GRID2IP: variants seen among roughly 807,000 people sequenced by gnomAD.
The protein encoded by GRID2IP is Grid2 interacting protein.
Under a neutral mutation model 114.3 loss-of-function variants are expected in GRID2IP, and 78 were observed. That is an observed-to-expected ratio of 0.68 (90% CI 0.57 to 0.82). The LOEUF is 0.82. Among genes scored for constraint, GRID2IP ranks in the 40% least tolerant of loss-of-function variants. The pLI, the probability that GRID2IP is intolerant of heterozygous loss-of-function variation, is 0.00. For synonymous variants in GRID2IP, 809 were observed against 724.0 expected (o/e 1.12, Z -1.89); for missense variants, 1,727 against 1,678.5 (o/e 1.03, Z -0.51).
intron 1 of GRID2IP, among the ~76,000 whole-genome samples, chr7:6,546,404 TA>T (rs1377621662): frequency 2.7e-5 from 4 of 150,294 alleles, no homozygotes; most frequent in Non-Finnish European, 4.5e-5. Flanking sequence ...CTGTCTCTAC[TA>T]AAAAAAATAC....
At chr7:6,530,908 C>A (rs759789513) in intron 2 of GRID2IP, among the ~76,000 whole-genome samples, 44 of 152,384 alleles carry the variant, frequency 2.9e-4, no homozygotes, top group Non-Finnish European at 5.4e-4. Context: ...TTTCCAACCT[C>A]CCTGGGCCTC....
intron 21 of GRID2IP, 75 bp downstream of exon 21, chr7:6,497,989 C>T: frequency 1.4e-6 from 2 of 1,452,010 alleles, no homozygotes; most frequent in Non-Finnish European, 1.8e-6. Context: ...GCCCTGGCTT[C>T]ATGGAGGATC....
chr7:6,534,560 G>A lies in GRID2IP; in HGVS notation c.584+5158C>T, dbSNP rs995865412. Among the ~76,000 whole-genome samples the A allele has an allele frequency of 6.6e-6, 1 of 152,176 alleles. No homozygotes were observed. The highest frequency in any genetic ancestry group is 2.4e-5 in the African/African-American group (1 of 41,430). On this transcript the variant is annotated intron_variant, in intron 2 of 21. Coordinates refer to ENST00000457091, the MANE Select transcript of GRID2IP (RefSeq NM_001145118.2). This position sits in a 1 kb window ranked among gnomAD's most constrained non-coding sequence, Gnocchi z 4.5. ...TTTACAGCAGCAGCGCTGTCCAAGG[G>A]AACGTTCTGTGACGATGGACAAGGT...
intron 1 of GRID2IP, among the ~76,000 whole-genome samples, chr7:6,548,300 C>T (rs1779917540): frequency 6.6e-6 from 1 of 151,904 alleles, no homozygotes; most frequent in Non-Finnish European, 1.5e-5. Flanking sequence ...TTGCAGTGAG[C>T]CGAGATCGTA....
chr7:6,526,596 C>T lies in GRID2IP; in HGVS notation c.758G>A (p.Arg253His), dbSNP rs1159003126. The T allele has an allele frequency of 1.7e-6, 2 of 1,190,454 alleles. No individual in the cohort carries two copies. The highest frequency in any genetic ancestry group is 3.2e-5 in the African/African-American group (2 of 62,534). 73.7% of individuals were successfully genotyped at this position (1,190,454 alleles called of 1,614,324 possible). A position where few individuals can be genotyped will look rare whatever the true frequency, so the allele number is the denominator to read the frequency against. ...LVSTRASAPP[R>H]RPDEPPPRRA... ...GCGCGGGGGCGGCTCATCGGGGCGG[C>T]GCGGCGGGGCGCTGGCGCGCGTGGA... The change falls in exon 3 of 22, where the codon CGC (arginine) becomes CAC (histidine). Residue 253 changes from arginine to histidine, a missense_variant. By Grantham distance (29) the Arg-to-His change is conservative. Coordinates refer to ENST00000457091, the MANE Select transcript of GRID2IP (RefSeq NM_001145118.2). The surrounding 1 kb of genome is among the most constrained non-coding windows in gnomAD (Gnocchi z 7.6).
At chr7:6,510,565 C>G (rs1328425451) in intron 10 of GRID2IP, 44 bp downstream of exon 10, 2 of 1,440,406 alleles carry the variant, frequency 1.4e-6, no homozygotes, top group Non-Finnish European at 9.3e-7. Flanking sequence ...CCGTCCATTC[C>G]CTGCCCCCTA....
intron 8 of GRID2IP, among the ~76,000 whole-genome samples, chr7:6,513,187 T>C (rs1779212464): frequency 6.6e-6 from 1 of 151,856 alleles, no homozygotes; most frequent in African/African-American, 2.4e-5. Flanking sequence ...CTCATGATCC[T>C]GGTGGTGGTG....
At position 6,506,088 on chromosome 7, in the gene GRID2IP, G is replaced by C. The variant is rs1786577478; in HGVS notation, c.2545-181C>G. On this transcript the variant is annotated intron_variant, in intron 13 of 21. Transcript: ENST00000457091. The surrounding 1 kb of genome is among the most constrained non-coding windows in gnomAD (Gnocchi z 5.2). ...GAAGCCAGATCATCCGAGTCACCGG[G>C]TGCTGAGCCAGCGCCTCCTGGGGTC... 6.6e-6 allele frequency among the ~76,000 whole-genome samples: 1 copy of C among 152,220 alleles called. No individual in the cohort carries two copies. Among genetic ancestry groups the C allele is most frequent in the Non-Finnish European group, 1.5e-5 (1 of 68,036 alleles).
chr7:6,498,105 C>T lies in GRID2IP; in HGVS notation c.3523G>A (p.Ala1175Thr). The change falls in exon 21 of 22, where the codon GCT becomes ACT. Residue 1175 changes from alanine (A) to threonine (T), a missense_variant. Coordinates refer to ENST00000457091, the MANE Select transcript of GRID2IP (RefSeq NM_001145118.2). ...GEDSKATTSE[A>T]FFGIFAEFMS... ...AACTCTGCAAAGATGCCGAAGAAAG[C>T]CTCAGAGGTGGTGGCCTTGGAATCC... is the stretch of plus-strand genomic sequence containing the variant. 1.3e-6 allele frequency: 2 copies of T among 1,551,668 alleles called. No individual in the cohort carries two copies. Among genetic ancestry groups the T allele is most frequent in the Non-Finnish European group, 1.7e-6 (2 of 1,146,952 alleles).
chr7:6,504,551 G>GA (rs1786520037), intron 15 of GRID2IP, among the ~76,000 whole-genome samples: 1 of 152,076 alleles, frequency 6.6e-6, no homozygotes, highest in South Asian at 2.1e-4. Flanking sequence ...AGGAGAGAGG[G>GA]AATGAGGCTG....
Position 6,539,701 on chromosome 7 carries a change from C to A in GRID2IP, c.584+17G>T, listed in dbSNP as rs569316147. The A allele has an allele frequency of 6.5e-7, 1 of 1,537,458 alleles. No individual in the cohort carries two copies. Among genetic ancestry groups the A allele is most frequent in the Admixed American group, 2.0e-5 (1 of 49,802 alleles). Reference sequence around the variant, plus strand: ...AGACCCACCCTGCCTGTCTATCCTGCCCCCTGCCCGCAGTACCTGAGGTTG... The same window carrying A: ...AGACCCACCCTGCCTGTCTATCCTGACCCCTGCCCGCAGTACCTGAGGTTG... On this transcript the variant is annotated intron_variant, in intron 2 of 21. Transcript: ENST00000457091.
chr7:6,537,903 T>G (rs1052202858), intron 2 of GRID2IP, among the ~76,000 whole-genome samples: 2 of 152,026 alleles, frequency 1.3e-5, no homozygotes, highest in African/African-American at 4.8e-5. Context: ...CTGCTGACCC[T>G]GCTCGTGGTC....
chr7:6,543,788 TTTA>T (rs1196796413), intron 1 of GRID2IP, among the ~76,000 whole-genome samples: 2 of 150,996 alleles, frequency 1.3e-5, no homozygotes, highest in African/African-American at 4.9e-5. Flanking sequence ...TTAATTTAAT[TTTA>T]TTATTATTAT....
At chr7:6,548,715 G>A (rs992273694) in intron 1 of GRID2IP, among the ~76,000 whole-genome samples, 1 of 151,804 alleles carries the variant, frequency 6.6e-6, no homozygotes, top group Non-Finnish European at 1.5e-5. Context: ...GGTGGGGTAC[G>A]CCTGTAATCC....
In GRID2IP at chr7:6,536,689, G is replaced by A. The variant is rs1012243466; in HGVS notation, c.584+3029C>T. On this transcript the variant is annotated intron_variant, in intron 2 of 21. Transcript: ENST00000457091. The surrounding 1 kb of genome is among the most constrained non-coding windows in gnomAD (Gnocchi z 5.3). ...CATCCCTGGTGGGGAGGGGCGGGAC[G>A]GGGGGCTGCCTGTCAATCAGCTCCC... 4 of 655,684 alleles carry A rather than the reference G, an allele frequency of 6.1e-6. No homozygotes were observed. The highest frequency in any genetic ancestry group is 1.1e-5 in the Non-Finnish European group (4 of 355,354). 40.6% of individuals were successfully genotyped at this position (655,684 alleles called of 1,614,324 possible).
chr7:6,542,524 GGT>G (rs1317047102), intron 1 of GRID2IP, among the ~76,000 whole-genome samples: 6 of 151,984 alleles, frequency 3.9e-5, no homozygotes, highest in African/African-American at 1.5e-4. Flanking sequence ...CAGATGTGGT[GGT>G]GCATGCCTGT....
chr7:6,514,007 G>A (rs138029129), intron 8 of GRID2IP, among the ~76,000 whole-genome samples: 129 of 149,924 alleles, frequency 8.6e-4, no homozygotes, highest in African/African-American at 2.9e-3. Flanking sequence ...TAATCCCAGT[G>A]CTTTGGGAGG....
At chr7:6,524,114 G>A (rs958567834) in intron 4 of GRID2IP, among the ~76,000 whole-genome samples, 8 of 152,172 alleles carry the variant, frequency 5.3e-5, no homozygotes, top group African/African-American at 1.9e-4. Context: ...TGACACTGAA[G>A]TGCTCTTCCA....
chr7:6,521,462 C>A lies in GRID2IP; in HGVS notation c.1051G>T (p.Val351Leu). ...LQGSGAMPTL[V>L]VEEGLVPFAS... ...AATGGGACGAGCCCTTCCTCCACCA[C>A]CAGCGTGGGCATGGCACCACTGCCC... Residue 351 changes from valine to leucine, a missense_variant, in exon 6 of 22, where the codon GTG becomes TTG. Val to Leu is a conservative substitution (Grantham distance 32, BLOSUM62 1). Transcript: ENST00000457091. This position sits in a 1 kb window ranked among gnomAD's most constrained non-coding sequence, Gnocchi z 4.1. 6.5e-7 allele frequency: 1 copy of A among 1,549,506 alleles called. No homozygotes were observed. The highest frequency in any genetic ancestry group is 8.7e-7 in the Non-Finnish European group (1 of 1,145,942).
Sources: gnomAD v4.1 joint callset for allele counts (sites outside exome capture counted in the v4.1 genomes callset) on GRCh38, gnomAD v4.1.1 for gene constraint, Gnocchi (gnomAD v3.1) non-coding constraint, MANE v1.5 for transcripts, NCBI Gene and HGNC (gene_info 2026-07-23, HGNC 2026-07-21) for gene names.